SGSM1: variants seen among roughly 807,000 people sequenced by gnomAD.
SGSM1 encodes small G protein signaling modulator 1.
Under a neutral mutation model 133.8 loss-of-function variants are expected in SGSM1, and 73 were observed. The observed-to-expected ratio is 0.55, with a 90% CI of 0.45 to 0.66. SGSM1 has a LOEUF of 0.66. SGSM1 is among the 30% of genes least tolerant of loss of function. The pLI, the probability that SGSM1 is intolerant of heterozygous loss-of-function variation, is 0.00. For synonymous variants in SGSM1, 563 were observed against 573.0 expected (o/e 0.98, Z 0.25); for missense variants, 1,213 against 1,448.1 (o/e 0.84, Z 2.64).
chr22:24,900,418 A>G (rs1933112720), intron 19 of SGSM1, among the ~76,000 whole-genome samples: 1 of 116,164 alleles, frequency 8.6e-6, no homozygotes, highest in South Asian at 2.4e-4. Context: ...TGTATTTTTG[A>G]GACAGAGTTT....
chr22:24,837,585 C>G (rs1181058021), intron 2 of SGSM1, among the ~76,000 whole-genome samples: 8 of 58,430 alleles, frequency 1.4e-4, no homozygotes, highest in Admixed American at 2.7e-4. Flanking sequence ...GAGACCCCCC[C>G]CCCCCCTTTC....
At chr22:24,914,106 C>T (rs576170113) in intron 22 of SGSM1, among the ~76,000 whole-genome samples, 20 of 152,000 alleles carry the variant, frequency 1.3e-4, no homozygotes, top group Admixed American at 1.1e-3. Flanking sequence ...CTGGCTAACA[C>T]GGTGAAACCC....
chr22:24,880,973 C>G (rs1247389124), intron 14 of SGSM1, among the ~76,000 whole-genome samples: 2 of 151,392 alleles, frequency 1.3e-5, no homozygotes, highest in Non-Finnish European at 1.5e-5. Flanking sequence ...GGTGGATTGT[C>G]TGAGGTCAGG....
At chr22:24,907,852 C>T (rs1282676825) in intron 21 of SGSM1, among the ~76,000 whole-genome samples, 4 of 125,690 alleles carry the variant, frequency 3.2e-5, no homozygotes, top group Non-Finnish European at 4.7e-5. Context: ...GCGGAGCTTG[C>T]AATGAACTGA....
intron 22 of SGSM1, among the ~76,000 whole-genome samples, chr22:24,916,856 G>C (rs895580312): frequency 6.6e-6 from 1 of 152,024 alleles, no homozygotes; most frequent in African/African-American, 2.4e-5. Flanking sequence ...TTCATGTACA[G>C]ATTTTTATGT....
At chr22:24,821,949 C>T (rs1928496946) in intron 2 of SGSM1, among the ~76,000 whole-genome samples, 1 of 152,102 alleles carries the variant, frequency 6.6e-6, no homozygotes. Flanking sequence ...CTGCAGTTGA[C>T]ATCGGGGTTC....
rs68090068 is a variant in SGSM1 at position 24,926,850 on chromosome 22, GT to G, written c.*2585del. On this transcript the variant is annotated 3_prime_UTR_variant, in exon 25 of 25. Transcript: ENST00000400358. ...TATAAACAGAGAAATATGTGAATCT[GT>G]TTTTTTTTGTCTTTTTTTTTTTAAT... 0.45 allele frequency: 66,971 copies of G among 149,112 alleles called. 15,367 individuals carry two copies. Among genetic ancestry groups the G allele is most frequent in the East Asian group, 0.73 (3,712 of 5,076 alleles). The allele number at this position is 149,112 out of a possible 1,614,324, so 9.2% of individuals were successfully genotyped here.
intron 13 of SGSM1, among the ~76,000 whole-genome samples, chr22:24,877,802 CTTTTTTT>C (rs36036968): frequency 0.045 from 3,424 of 75,328 alleles, 46 homozygotes; most frequent in Middle Eastern, 0.082. Context: ...TTCTTTCTTT[CTTTTTTT>C]TTTTTTTTTT....
Position 24,908,596 on chromosome 22 carries a change from A to G in SGSM1, c.2818+3409A>G, listed in dbSNP as rs2123727880. Reference sequence around the variant, plus strand: ...GGCGGGCAGATCACGAGGTCAGAAGATCGAGACCATCCTGGCTAACATGGT... The same window carrying G: ...GGCGGGCAGATCACGAGGTCAGAAGGTCGAGACCATCCTGGCTAACATGGT... On this transcript the variant is annotated intron_variant, in intron 21 of 24. Coordinates refer to ENST00000400358, the MANE Select transcript of SGSM1 (RefSeq NM_001098497.3). Among the ~76,000 whole-genome samples the G allele has an allele frequency of 2.0e-5, 3 of 152,240 alleles. No individual in the cohort carries two copies. The South Asian group carries it at 6.2e-4, about 32-fold the overall frequency.
Position 24,905,065 on chromosome 22 carries a change from G to A in SGSM1, c.2736-40G>A, listed in dbSNP as rs112766600. ...GAAGGTGGAGTGGGTTGGAGAGGCA[G>A]GCCACGGCTGCCATCATTGGCCCCT... On this transcript the variant is annotated intron_variant, in intron 20 of 24. Transcript: ENST00000400358. 133 of 1,584,882 alleles carry A rather than the reference G, an allele frequency of 8.4e-5. No individual in the cohort carries two copies. In the African/African-American group the frequency reaches 1.5e-3, roughly 18 times the overall value.
chr22:24,888,505 C>T (rs1165353797), intron 16 of SGSM1, among the ~76,000 whole-genome samples: 2 of 152,120 alleles, frequency 1.3e-5, no homozygotes, highest in African/African-American at 4.8e-5. Flanking sequence ...CGGTGGCTCA[C>T]GTCTATAATC....
chr22:24,845,961 CTTTCTTTCTT>C (rs1930103185), intron 3 of SGSM1, among the ~76,000 whole-genome samples: 1 of 104,834 alleles, frequency 9.5e-6, no homozygotes, highest in African/African-American at 3.2e-5. Flanking sequence ...TTCTTTCTTT[CTTTCTTTCTT>C]TCTTTCTTTC....
At chr22:24,863,927 G>A (rs528993500) in intron 9 of SGSM1, among the ~76,000 whole-genome samples, 1 of 152,010 alleles carries the variant, frequency 6.6e-6, no homozygotes, top group East Asian at 1.9e-4. Context: ...TTTTAGTAGA[G>A]ACGGGGTTTT....
In SGSM1 at chr22:24,885,162, C is replaced by T. The variant is rs532839947; in HGVS notation, c.1641+964C>T. On this transcript the variant is annotated intron_variant, in intron 15 of 24. Transcript: ENST00000400358. ...GTTGGTCAGGCTGGTCTCAAACTCC[C>T]GACCTCAGGTGGTCTGCCCGCCTCA... Among the ~76,000 whole-genome samples the T allele has an allele frequency of 1.2e-4, 18 of 151,954 alleles. No homozygotes were observed. The South Asian group carries it at 3.1e-3, about 26-fold the overall frequency.
chr22:24,916,290 A>G (rs1933820439), intron 22 of SGSM1, among the ~76,000 whole-genome samples: 1 of 152,088 alleles, frequency 6.6e-6, no homozygotes, highest in African/African-American at 2.4e-5. Flanking sequence ...TAAACATTTC[A>G]TGTAAATGGA....
At chr22:24,854,952 C>A in intron 5 of SGSM1, 44 bp from the exon 6 acceptor site, 1 of 1,524,994 alleles carries the variant, frequency 6.6e-7, no homozygotes, top group Non-Finnish European at 9.0e-7. Flanking sequence ...TGTGCGTCCT[C>A]TGCTGGTCTC....
chr22:24,880,284 G>A lies in SGSM1; in HGVS notation c.1495+758G>A, dbSNP rs556141090. Among the ~76,000 whole-genome samples, 5 of 152,068 alleles carry A rather than the reference G, an allele frequency of 3.3e-5. No individual in the cohort carries two copies. The East Asian group carries it at 5.8e-4, about 18-fold the overall frequency. Reference sequence around the variant, plus strand: ...TGAGTAGCTGGGATTACAGGCACCCGCCACCACACCCAGCTAATTTTTCTG... The same window carrying A: ...TGAGTAGCTGGGATTACAGGCACCCACCACCACACCCAGCTAATTTTTCTG... On this transcript the variant is annotated intron_variant, in intron 14 of 24. Transcript: ENST00000400358.
intron 5 of SGSM1, among the ~76,000 whole-genome samples, chr22:24,852,910 G>A (rs897111857): frequency 6.6e-6 from 1 of 152,152 alleles, no homozygotes; most frequent in African/African-American, 2.4e-5. Context: ...CCTTGATATT[G>A]AATAAGTCCA....
At chr22:24,895,337 T>G in intron 18 of SGSM1, 46 bp downstream of exon 18, 1 of 1,581,382 alleles carries the variant, frequency 6.3e-7, no homozygotes, top group Non-Finnish European at 8.6e-7. Flanking sequence ...TCCTCTCCCT[T>G]CTGCCTGGGG....
Sources: allele counts gnomAD v4.1 joint callset (sites outside exome capture counted in the v4.1 genomes callset), GRCh38; gene constraint gnomAD v4.1.1; transcripts MANE v1.5; gene names NCBI Gene and HGNC (gene_info 2026-07-23, HGNC 2026-07-21).